The following ATAD5 variants were observed in gnomAD, a reference collection of about 807,000 sequenced individuals.
The protein encoded by ATAD5 is ATPase family AAA domain containing 5.
In ATAD5, 58 loss-of-function variants were observed where a neutral mutation model predicts 176.9. That is an observed-to-expected ratio of 0.33 (90% CI 0.27 to 0.41). The LOEUF (loss-of-function observed/expected upper bound fraction) is 0.41, where lower values mean the gene tolerates loss of function less well. Ranked by LOEUF, ATAD5 falls within the 10% of genes least tolerant of loss-of-function variation. The pLI is 1.00. For missense variants in ATAD5, 1,789 were observed against 2,094.1 expected, an observed-to-expected ratio of 0.85 and a Z score of 2.84; for synonymous variants, 640 against 712.6, an observed-to-expected ratio of 0.90 and a Z score of 1.62.
intron 9 of ATAD5, among the ~76,000 whole-genome samples, chr17:30,859,454 G>C (rs965616936): frequency 7.9e-5 from 12 of 152,218 alleles, no homozygotes; most frequent in Admixed American, 7.9e-4. Flanking sequence ...CTGCCTCCCA[G>C]ATTTGAGTGA....
chr17:30,858,102 G>C (rs1907394031), intron 8 of ATAD5, 59 bp from the exon 9 acceptor site: 1 of 1,347,014 alleles, frequency 7.4e-7, no homozygotes, highest in African/African-American at 1.5e-5. Context: ...TGGTAGTATT[G>C]TAATTAACAT....
chr17:30,872,313 C>T (rs1260963382), intron 14 of ATAD5, among the ~76,000 whole-genome samples: 1 of 152,138 alleles, frequency 6.6e-6, no homozygotes. Context: ...TTTCTGAGTG[C>T]TTCAATATTC....
rs183418015 is a variant in ATAD5 at position 30,858,096 on chromosome 17, A to G, written c.2794-65A>G. 3.5e-5 allele frequency: 46 copies of G among 1,311,806 alleles called. 1 individual carries two copies. In the East Asian group the frequency reaches 1.2e-3, roughly 34 times the overall value. 81.3% of individuals were successfully genotyped at this position (1,311,806 alleles called of 1,614,324 possible). A position where few individuals can be genotyped will look rare whatever the true frequency, so the allele number is the denominator to read the frequency against. The stretch of plus-strand genomic sequence containing the variant: ...TTATGATGGACAGAAAGTGGTTGGT[A>G]GTATTGTAATTAACATGAATAGATG... On this transcript the variant is annotated intron_variant, in intron 8 of 22. Coordinates refer to ENST00000321990, the MANE Select transcript of ATAD5 (RefSeq NM_024857.5).
At chr17:30,838,730 GT>G (rs1431596408) in intron 3 of ATAD5, among the ~76,000 whole-genome samples, 3 of 152,124 alleles carry the variant, frequency 2.0e-5, no homozygotes, top group Admixed American at 6.6e-5. Context: ...TTATACCTTG[GT>G]TTGCCTCATG....
intron 21 of ATAD5, 104 bp from the exon 22 acceptor site, chr17:30,894,460 T>A (rs981264825): frequency 9.2e-7 from 1 of 1,087,814 alleles, no homozygotes; most frequent in Admixed American, 2.6e-5. Flanking sequence ...TCTGGAAATG[T>A]CATCTGGTCT....
Position 30,834,822 on chromosome 17 carries a change from C to G in ATAD5, c.741C>G (p.Asn247Lys). 1 of 1,613,828 alleles carries G rather than the reference C, an allele frequency of 6.2e-7. No individual in the cohort carries two copies. Among genetic ancestry groups the G allele is most frequent in the Non-Finnish European group, 8.5e-7 (1 of 1,179,928 alleles). ...KQMENTTSHA[N>K]SRDNVTEAAQ... ...TGGAGAATACTACAAGCCATGCAAACTCTAGAGATAACGTAACTGAAGCAG... is the reference window on the plus strand; with the variant it reads ...TGGAGAATACTACAAGCCATGCAAAGTCTAGAGATAACGTAACTGAAGCAG... Residue 247 changes from asparagine (N) to lysine (K), a missense_variant, in exon 2 of 23, where the codon AAC (asparagine) becomes AAG (lysine). Coordinates refer to ENST00000321990, the MANE Select transcript of ATAD5 (RefSeq NM_024857.5).
At chr17:30,844,556 T>C (rs1388262363) in intron 5 of ATAD5, among the ~76,000 whole-genome samples, 2 of 150,590 alleles carry the variant, frequency 1.3e-5, no homozygotes, top group South Asian at 2.1e-4. Context: ...TTTTTCTTTT[T>C]TTTTTTTTGT....
chr17:30,869,738 T>A, intron 14 of ATAD5, 92 bp downstream of exon 14: 1 of 1,409,072 alleles, frequency 7.1e-7, no homozygotes, highest in Admixed American at 2.5e-5. Context: ...CCATTTATTT[T>A]TTATCTTCTA....
chr17:30,887,545 CT>C (rs1909387212), intron 19 of ATAD5, among the ~76,000 whole-genome samples, 173 bp downstream of exon 19: 1 of 152,062 alleles, frequency 6.6e-6, no homozygotes, highest in Non-Finnish European at 1.5e-5. Flanking sequence ...AGTGAGACCC[CT>C]GTCTCTACAA....
intron 17 of ATAD5, among the ~76,000 whole-genome samples, 188 bp from the exon 18 acceptor site, chr17:30,879,235 A>G (rs568937708): frequency 5.5e-4 from 84 of 152,226 alleles, no homozygotes; most frequent in African/African-American, 2.0e-3. Context: ...CTGCTTGGGA[A>G]GCTGAGGCAG....
At position 30,843,913 on chromosome 17, in the gene ATAD5, G is replaced by A; in HGVS notation, c.2242G>A (p.Asp748Asn). ...AATTTATTCTCTTATTTTGTCTTAG[G>A]ATTCTGTTATAATAATAGATTCAAG... is the stretch of plus-strand genomic sequence containing the variant. ...PERKKLSETE[D>N]SVIIIDSSPT... Residue 748 changes from aspartate (D) to asparagine (N), a missense_variant and splice_region_variant, in exon 5 of 23, where the codon GAT becomes AAT. Physicochemically the swap from Asp to Asn is conservative, Grantham distance 23 (BLOSUM62 1). Coordinates refer to ENST00000321990, the MANE Select transcript of ATAD5 (RefSeq NM_024857.5). 7.4e-7 allele frequency: 1 copy of A among 1,348,506 alleles called. No homozygotes were observed. The highest frequency in any genetic ancestry group is 1.5e-5 in the South Asian group (1 of 64,690). 83.5% of individuals were successfully genotyped at this position (1,348,506 alleles called of 1,614,324 possible).
chr17:30,855,969 G>T (rs138134175), intron 7 of ATAD5, among the ~76,000 whole-genome samples: 57 of 152,084 alleles, frequency 3.7e-4, no homozygotes, highest in Admixed American at 1.2e-3. Flanking sequence ...CTCTGCCACT[G>T]GCCATTCAGT....
In ATAD5 at chr17:30,868,333, T is replaced by C; in HGVS notation, c.3234T>C (p.Ser1078=). 6.4e-7 allele frequency: 1 copy of C among 1,569,878 alleles called. No homozygotes were observed. The highest frequency in any genetic ancestry group is 8.6e-7 in the Non-Finnish European group (1 of 1,163,168). ...GNELAIKKLH[S]WLKDWKRRAE... is the part of the protein sequence containing the mutation. ...TTTTTATTATGTTTTCTTGTGGCAG[T>C]TGGTTGAAAGACTGGAAAAGAAGAG... is the stretch of plus-strand genomic sequence containing the variant. The change falls in exon 12 of 23, where the codon AGT becomes AGC. Residue 1078 remains serine (S), a splice_region_variant and synonymous_variant. Transcript: ENST00000321990.
chr17:30,872,514 G>C (rs764659433), intron 14 of ATAD5, among the ~76,000 whole-genome samples: 4 of 150,004 alleles, frequency 2.7e-5, no homozygotes, highest in Non-Finnish European at 4.4e-5. Flanking sequence ...CTGTCTGCTT[G>C]GCCTCCTCAG....
chr17:30,859,060 T>G (rs1445571438), intron 9 of ATAD5, among the ~76,000 whole-genome samples: 1 of 152,136 alleles, frequency 6.6e-6, no homozygotes, highest in African/African-American at 2.4e-5. Flanking sequence ...TGAAAAACAC[T>G]AAGACTTAAC....
intron 11 of ATAD5, 100 bp from the exon 12 acceptor site, chr17:30,868,233 C>T (rs551790176): frequency 1.0e-6 from 1 of 981,304 alleles, no homozygotes; most frequent in South Asian, 2.8e-5. Flanking sequence ...GGCAGAGAAA[C>T]TAACAATATG....
In ATAD5 at chr17:30,869,331, C is replaced by T. The variant is rs764645127; in HGVS notation, c.3397C>T (p.Pro1133Ser). The change falls in exon 13 of 23, where the codon CCA becomes TCA. Residue 1133 changes from proline to serine, a missense_variant. Transcript: ENST00000321990. ...RLCNTVLITG[P>S]TGVGKTAAVY... The stretch of plus-strand genomic sequence containing the variant: ...TTGCAATACTGTCCTTATAACAGGG[C>T]CAACAGGAGTGGGAAAAACTGCTGC... 1.2e-6 allele frequency: 2 copies of T among 1,613,790 alleles called. No homozygotes were observed. Among genetic ancestry groups the T allele is most frequent in the Non-Finnish European group, 1.7e-6 (2 of 1,179,986 alleles).
rs1409413895 is a variant in ATAD5 at position 30,835,454 on chromosome 17, A to G, written c.1373A>G (p.Asn458Ser). 4 of 1,611,772 alleles carry G rather than the reference A, an allele frequency of 2.5e-6. No homozygotes were observed. The South Asian group carries it at 3.3e-5, about 13-fold the overall frequency. Reference protein sequence around the residue: ...ENSGIQMVSKNGNLQLHTDKG... With the variant: ...ENSGIQMVSKSGNLQLHTDKG... ...TCTGGTATCCAAATGGTTTCAAAAA[A>G]TGGCAATTTACAGTTACACACTGAT... Residue 458 changes from asparagine to serine, a missense_variant, in exon 2 of 23, where the codon AAT becomes AGT. Transcript: ENST00000321990.
chr17:30,892,855 C>T, intron 20 of ATAD5, 67 bp downstream of exon 20: 1 of 1,295,522 alleles, frequency 7.7e-7, no homozygotes, highest in Non-Finnish European at 1.1e-6. Context: ...CATTAGCCTC[C>T]TATCTTTTGA....
Sources: gnomAD v4.1 joint callset for allele counts (sites outside exome capture counted in the v4.1 genomes callset) on GRCh38, gnomAD v4.1.1 for gene constraint, MANE v1.5 for transcripts, NCBI Gene and HGNC (gene_info 2026-07-23, HGNC 2026-07-21) for gene names.